PIGU: variants seen among roughly 807,000 people sequenced by gnomAD.
PIGU encodes the protein phosphatidylinositol glycan anchor biosynthesis class U.
Under a neutral mutation model 49.9 loss-of-function variants are expected in PIGU, and 24 were observed. That is an observed-to-expected ratio of 0.48 (90% CI 0.35 to 0.68). PIGU has a LOEUF of 0.68. PIGU is among the 30% of genes least tolerant of loss of function. The pLI, the probability that PIGU is intolerant of heterozygous loss-of-function variation, is 0.01. For missense variants in PIGU, 490 were observed against 532.6 expected (o/e 0.92, Z 0.79); for synonymous variants, 220 against 205.7 (o/e 1.07, Z -0.59).
At chr20:34,620,728 G>A (rs1009720687) in intron 6 of PIGU, among the ~76,000 whole-genome samples, 36 of 150,296 alleles carry the variant, frequency 2.4e-4, no homozygotes, top group African/African-American at 8.3e-4. Flanking sequence ...GGAGAATGGC[G>A]TGAACCCGGG....
At chr20:34,595,181 G>T (rs763736762) in intron 7 of PIGU, among the ~76,000 whole-genome samples, 3 of 149,354 alleles carry the variant, frequency 2.0e-5, no homozygotes, top group Non-Finnish European at 4.4e-5. Context: ...ATACAGGAAA[G>T]ATAAGCCAGA....
At chr20:34,593,603 G>T (rs554036382) in intron 7 of PIGU, among the ~76,000 whole-genome samples, 8 of 152,252 alleles carry the variant, frequency 5.3e-5, no homozygotes, top group African/African-American at 1.9e-4. Flanking sequence ...GACAGTGGTG[G>T]CATATCACTA....
chr20:34,596,436 C>T (rs2146721873), intron 7 of PIGU, among the ~76,000 whole-genome samples: 1 of 152,238 alleles, frequency 6.6e-6, no homozygotes, highest in Admixed American at 6.5e-5. Context: ...AATAATGCTG[C>T]ATAAATATCA....
At chr20:34,583,882 T>C (rs1288418421) in intron 9 of PIGU, among the ~76,000 whole-genome samples, 1 of 152,196 alleles carries the variant, frequency 6.6e-6, no homozygotes, top group Non-Finnish European at 1.5e-5. Context: ...GCACAGACCA[T>C]GGAGAATGGC....
intron 6 of PIGU, among the ~76,000 whole-genome samples, chr20:34,631,732 TA>T: frequency 1.1e-3 from 1 of 912 alleles, no homozygotes; most frequent in Non-Finnish European, 2.0e-3. Context: ...CATATATATA[TA>T]TATATATATA....
intron 7 of PIGU, among the ~76,000 whole-genome samples, chr20:34,613,244 C>T (rs1433603106): frequency 6.6e-6 from 1 of 152,162 alleles, no homozygotes; most frequent in East Asian, 1.9e-4. Context: ...TTCCTACTCC[C>T]ATCTACCCGA....
chr20:34,575,412 C>T (rs1216882805), intron 10 of PIGU, among the ~76,000 whole-genome samples, 166 bp from the exon 11 acceptor site: 1 of 152,208 alleles, frequency 6.6e-6, no homozygotes, highest in Non-Finnish European at 1.5e-5. Flanking sequence ...CCAGACTCCT[C>T]AGTCAATGGC....
At chr20:34,620,554 G>A (rs966814182) in intron 6 of PIGU, among the ~76,000 whole-genome samples, 4 of 152,140 alleles carry the variant, frequency 2.6e-5, no homozygotes, top group African/African-American at 9.7e-5. Context: ...GCTCATGCCT[G>A]TAATCCCAGC....
At chr20:34,562,666 G>T in intron 11 of PIGU, 5 of 904,058 alleles carry the variant, frequency 5.5e-6, no homozygotes, top group South Asian at 2.8e-5. Flanking sequence ...TGGACTAATG[G>T]CCATGGACCC....
intron 1 of PIGU, among the ~76,000 whole-genome samples, chr20:34,663,374 G>A (rs1986987045): frequency 6.6e-6 from 1 of 152,092 alleles, no homozygotes; most frequent in Admixed American, 6.5e-5. Context: ...CTACTTGGGA[G>A]GCTGAAGTGG....
intron 1 of PIGU, among the ~76,000 whole-genome samples, chr20:34,664,310 C>T (rs1414691302): frequency 6.6e-6 from 1 of 152,158 alleles, no homozygotes; most frequent in Non-Finnish European, 1.5e-5. Flanking sequence ...GCCACCACAC[C>T]CAGCTAATTT....
intron 4 of PIGU, among the ~76,000 whole-genome samples, chr20:34,639,072 G>T (rs2146765011): frequency 6.6e-6 from 1 of 152,240 alleles, no homozygotes; most frequent in Middle Eastern, 3.4e-3. Flanking sequence ...ACTGCATTGT[G>T]ACATTTATAT....
chr20:34,579,603 C>A (rs569966348), intron 10 of PIGU, among the ~76,000 whole-genome samples: 1 of 152,304 alleles, frequency 6.6e-6, no homozygotes, highest in African/African-American at 2.4e-5. Flanking sequence ...CAAGCAGGTT[C>A]TCCAAGCACG....
At chr20:34,580,646 C>T (rs1179527312) in intron 10 of PIGU, among the ~76,000 whole-genome samples, 1 of 152,250 alleles carries the variant, frequency 6.6e-6, no homozygotes, top group Admixed American at 6.5e-5. Flanking sequence ...GGGCCACTGA[C>T]ACTGCCTCTT....
chr20:34,581,321 A>T (rs184850238), intron 10 of PIGU, among the ~76,000 whole-genome samples: 1 of 152,106 alleles, frequency 6.6e-6, no homozygotes, highest in Non-Finnish European at 1.5e-5. Context: ...ACACTGTGAG[A>T]GCCACAGTGG....
intron 7 of PIGU, among the ~76,000 whole-genome samples, chr20:34,604,110 G>C (rs1172722562): frequency 2.0e-5 from 3 of 152,136 alleles, no homozygotes; most frequent in Non-Finnish European, 4.4e-5. Context: ...CCACATCTGT[G>C]GGGCCAGATG....
At chr20:34,593,199 T>C (rs1457513922) in intron 7 of PIGU, among the ~76,000 whole-genome samples, 2 of 152,034 alleles carry the variant, frequency 1.3e-5, no homozygotes, top group African/African-American at 4.8e-5. Flanking sequence ...TAGTAGGGCA[T>C]GGTGGCACAT....
chr20:34,652,394 T>C (rs779846240), intron 2 of PIGU, among the ~76,000 whole-genome samples: 1 of 152,232 alleles, frequency 6.6e-6, no homozygotes, highest in Non-Finnish European at 1.5e-5. Flanking sequence ...AGTTTATCAA[T>C]TTTAATGCTC....
chr20:34,588,737 T>C (rs990714051), intron 7 of PIGU, 130 bp from the exon 8 acceptor site: 18 of 833,334 alleles, frequency 2.2e-5, no homozygotes, highest in Middle Eastern at 5.4e-4. Flanking sequence ...CTTTGGTCTT[T>C]AATTAACTAA....
Sources: gnomAD v4.1 joint callset for allele counts (sites outside exome capture counted in the v4.1 genomes callset) on GRCh38, gnomAD v4.1.1 for gene constraint, MANE v1.5 for transcripts, NCBI Gene and HGNC (gene_info 2026-07-23, HGNC 2026-07-21) for gene names.